Variants in DISC1 observed in about 807,000 individuals in gnomAD.
DISC1 encodes DISC1 scaffold protein.
DISC1 carries 57 observed loss-of-function variants against 84.5 expected under a neutral mutation model. The observed-to-expected ratio is 0.67, with a 90% CI of 0.55 to 0.84. The LOEUF is 0.84. DISC1 is among the 40% of genes least tolerant of loss of function. The pLI, the probability that DISC1 is intolerant of heterozygous loss-of-function variation, is 0.00. For synonymous variants in DISC1, 411 were observed against 415.2 expected, an observed-to-expected ratio of 0.99 and a Z score of 0.12; for missense variants, 1,000 against 1,057.8, an observed-to-expected ratio of 0.95 and a Z score of 0.76.
At chr1:231,976,679 A>G (rs1198257754) in intron 10 of DISC1, among the ~76,000 whole-genome samples, 1 of 152,204 alleles carries the variant, frequency 6.6e-6, no homozygotes, top group Non-Finnish European at 1.5e-5. Context: ...CTTTGACGCT[A>G]AAGTTGTTCA....
At chr1:232,017,178 A>C (rs200981941) in intron 11 of DISC1, among the ~76,000 whole-genome samples, 1 of 152,202 alleles carries the variant, frequency 6.6e-6, no homozygotes, top group African/African-American at 2.4e-5. Flanking sequence ...AAACAGCCCA[A>C]AGGAACATAT....
At chr1:231,886,792 T>TTTCC (rs1360866004) in intron 9 of DISC1, among the ~76,000 whole-genome samples, 18 of 143,556 alleles carry the variant, frequency 1.3e-4, no homozygotes, top group Middle Eastern at 3.4e-3. Flanking sequence ...TCTTTCTTTC[T>TTTCC]TTCTTTCTTT....
intron 11 of DISC1, among the ~76,000 whole-genome samples, chr1:232,023,392 T>C (rs1669143631): frequency 6.6e-6 from 1 of 152,204 alleles, no homozygotes; most frequent in South Asian, 2.1e-4. Context: ...TTATTTCTAT[T>C]TGATATATGT....
rs995411011 is a variant in DISC1, at chr1:231,988,867, G to A, written c.2043-19918G>A. On this transcript the variant is annotated intron_variant, in intron 10 of 12. Coordinates refer to ENST00000439617, the MANE Select transcript of DISC1 (RefSeq NM_018662.3). ...GACTTCAATGACACTTCCATTCATT[G>A]GAAGCAGAGAGCATGCCTGAGGGAG... Among the ~76,000 whole-genome samples the A allele has an allele frequency of 1.2e-4, 19 of 152,144 alleles. 1 individual carries two copies. The highest frequency in any genetic ancestry group is 2.8e-4 in the Non-Finnish European group (19 of 68,018).
At chr1:231,801,214 G>A (rs2079217576) in intron 8 of DISC1, among the ~76,000 whole-genome samples, 1 of 152,090 alleles carries the variant, frequency 6.6e-6, no homozygotes, top group African/African-American at 2.4e-5. Flanking sequence ...CAGCGCAAAT[G>A]TGGGGCTTGG....
At chr1:231,932,218 GGC>G (rs2090710039) in intron 9 of DISC1, among the ~76,000 whole-genome samples, 1 of 152,082 alleles carries the variant, frequency 6.6e-6, no homozygotes, top group South Asian at 2.1e-4. Context: ...CTTTTCTTAG[GGC>G]TGCATAATCA....
intron 1 of DISC1, among the ~76,000 whole-genome samples, chr1:231,666,696 A>G (rs1558282899): frequency 6.6e-6 from 1 of 152,076 alleles, no homozygotes; most frequent in South Asian, 2.1e-4. Flanking sequence ...ATTTCGATAC[A>G]TGACACCTCT....
chr1:231,706,875 G>A (rs377564265), intron 3 of DISC1, among the ~76,000 whole-genome samples: 10 of 152,044 alleles, frequency 6.6e-5, no homozygotes, highest in Admixed American at 4.6e-4. Flanking sequence ...CGTCACTGAT[G>A]GTGTGCAAAT....
intron 12 of DISC1, among the ~76,000 whole-genome samples, chr1:232,030,095 G>A (rs975001825): frequency 6.6e-6 from 1 of 152,188 alleles, no homozygotes; most frequent in Non-Finnish European, 1.5e-5. Flanking sequence ...TGGGAGAGCT[G>A]GTGGTGGAGA....
chr1:231,915,108 G>A (rs887187025), intron 9 of DISC1, among the ~76,000 whole-genome samples: 5 of 152,142 alleles, frequency 3.3e-5, no homozygotes, highest in Admixed American at 1.3e-4. Context: ...TGTTTTTGAC[G>A]TTATAGTTGT....
chr1:231,830,571 G>A (rs1253187233), intron 9 of DISC1, among the ~76,000 whole-genome samples: 1 of 152,208 alleles, frequency 6.6e-6, no homozygotes, highest in Non-Finnish European at 1.5e-5. Flanking sequence ...TAAACCGGCA[G>A]CGTAAACAAG....
intron 4 of DISC1, among the ~76,000 whole-genome samples, chr1:231,762,238 C>A (rs1223159491): frequency 1.5e-4 from 3 of 20,684 alleles, no homozygotes; most frequent in South Asian, 2.0e-3. Context: ...CTTTTCTTTT[C>A]TTTTCTTTTC....
chr1:231,633,834 C>T (rs1484579052), intron 1 of DISC1, among the ~76,000 whole-genome samples: 1 of 151,430 alleles, frequency 6.6e-6, no homozygotes, highest in Non-Finnish European at 1.5e-5. Flanking sequence ...GTTGAAATTG[C>T]ATTTTGTGAC....
At chr1:231,783,793 C>G (rs1055496553) in intron 6 of DISC1, among the ~76,000 whole-genome samples, 5 of 152,186 alleles carry the variant, frequency 3.3e-5, no homozygotes, top group Non-Finnish European at 5.9e-5. Flanking sequence ...ACTATTAGGG[C>G]TTACTCCTTT....
intron 1 of DISC1, among the ~76,000 whole-genome samples, chr1:231,643,014 C>A (rs1233874721): frequency 6.6e-6 from 1 of 152,214 alleles, no homozygotes; most frequent in African/African-American, 2.4e-5. Flanking sequence ...TCCCACCAAA[C>A]CTTGCCGGCT....
At position 231,818,369 on chromosome 1, in the gene DISC1, T is replaced by C. The variant is rs778998186; in HGVS notation, c.1833T>C (p.Ile611=). The change falls in exon 9 of 13, where the codon ATT becomes ATC. Residue 611 remains isoleucine (I), a synonymous_variant. Coordinates refer to ENST00000439617, the MANE Select transcript of DISC1 (RefSeq NM_018662.3). ...FWTAKDLTEE[I]RSLTSEREGL... ...CGGCTAAAGACCTCACCGAGGAGAT[T>C]AGATCATTAACATCAGAGAGAGAAG... 1 of 1,614,038 alleles carries C rather than the reference T, an allele frequency of 6.2e-7. No homozygotes were observed. Among genetic ancestry groups the C allele is most frequent in the Admixed American group, 1.7e-5 (1 of 60,014 alleles).
chr1:231,777,422 A>C (rs912901226), intron 6 of DISC1, among the ~76,000 whole-genome samples: 4 of 151,990 alleles, frequency 2.6e-5, no homozygotes, highest in Non-Finnish European at 5.9e-5. Flanking sequence ...GGGTCTTGCT[A>C]TGTTGCCAGG....
intron 1 of DISC1, among the ~76,000 whole-genome samples, chr1:231,644,021 G>C (rs1178876735): frequency 2.0e-5 from 3 of 152,182 alleles, no homozygotes; most frequent in African/African-American, 7.2e-5. Context: ...ATATGTGCTA[G>C]CTGCAATTCT....
In DISC1 at chr1:231,770,857, C is replaced by CA; in HGVS notation, c.1423dup (p.Arg475LysfsTer84). 1 of 1,614,166 alleles carries CA rather than the reference C, an allele frequency of 6.2e-7. No individual in the cohort carries two copies. The highest frequency in any genetic ancestry group is 8.5e-7 in the Non-Finnish European group (1 of 1,180,034). Reference sequence around the variant, plus strand: ...CAGAAAGAAATCGAAGCTCTCCAAGCAAGGATGTTTGTGCTGGAAGCCAAA... The same window carrying CA: ...CAGAAAGAAATCGAAGCTCTCCAAGCAAAGGATGTTTGTGCTGGAAGCCAAA... On this transcript the variant is annotated frameshift_variant, in exon 6 of 13. Coordinates refer to ENST00000439617, the MANE Select transcript of DISC1 (RefSeq NM_018662.3). LOFTEE classifies it high-confidence loss of function.
Sources: gnomAD v4.1 joint callset for allele counts (sites outside exome capture counted in the v4.1 genomes callset) on GRCh38, gnomAD v4.1.1 for gene constraint, MANE v1.5 for transcripts, NCBI Gene and HGNC (gene_info 2026-07-23, HGNC 2026-07-21) for gene names.